The following MIER3 variants were observed in gnomAD, a reference collection of about 807,000 sequenced individuals.
MIER3 encodes mesoderm induction early response protein 3.
MIER3 carries 9 observed loss-of-function variants against 63.2 expected under a neutral mutation model. The observed-to-expected ratio is 0.14, with a 90% confidence interval of 0.09 to 0.25. The LOEUF (loss-of-function observed/expected upper bound fraction) is 0.25. Among genes scored for constraint, MIER3 ranks in the 10% least tolerant of loss-of-function variants. The probability of loss-of-function intolerance (pLI) is 1.00; values close to 1 mark genes in which losing one functional copy is unlikely to be tolerated. For synonymous variants in MIER3, 205 were observed against 224.9 expected, an observed-to-expected ratio of 0.91 and a Z score of 0.79; for missense variants, 512 against 666.2, an observed-to-expected ratio of 0.77 and a Z score of 2.55.
intron 2 of MIER3, among the ~76,000 whole-genome samples, chr5:56,950,089 C>A (rs1750966261): frequency 6.6e-6 from 1 of 152,156 alleles, no homozygotes; most frequent in Non-Finnish European, 1.5e-5. Context: ...GCTCAGAAGT[C>A]AAAATCACCC....
chr5:56,949,575 T>C (rs1750946566), intron 2 of MIER3, among the ~76,000 whole-genome samples: 1 of 152,218 alleles, frequency 6.6e-6, no homozygotes, highest in Non-Finnish European at 1.5e-5. Flanking sequence ...CAGCTATTTT[T>C]AAAATAGCTG....
At chr5:56,929,984 A>G (rs1474880598) in intron 9 of MIER3, among the ~76,000 whole-genome samples, 3 of 152,174 alleles carry the variant, frequency 2.0e-5, no homozygotes, top group African/African-American at 7.2e-5. Flanking sequence ...TTTTCAAAGA[A>G]GCAGCTTTTC....
In MIER3 at chr5:56,946,990, A is replaced by G; in HGVS notation, c.116T>C (p.Leu39Pro). 6.2e-7 allele frequency: 1 copy of G among 1,609,602 alleles called. No individual in the cohort carries two copies. Among genetic ancestry groups the G allele is most frequent in the Non-Finnish European group, 8.5e-7 (1 of 1,178,558 alleles). The change falls in exon 3 of 13, where the codon CTT (leucine) becomes CCT (proline). Residue 39 changes from leucine to proline, a missense_variant. Transcript: ENST00000381199. ...LVHDYDDERT[L>P]EEEEMMDEGK... is the part of the protein sequence containing the mutation. ...CTCATCCATCATTTCCTCTTCTTCA[A>G]GAGTTCTTTCATCATCATAGTCATG...
intron 2 of MIER3, 107 bp from the exon 3 acceptor site, chr5:56,947,178 T>C: frequency 9.5e-7 from 1 of 1,052,066 alleles, no homozygotes; most frequent in Non-Finnish European, 1.3e-6. Context: ...TATATGAGGG[T>C]TTTACTAAAT....
rs1441829081 is a variant in MIER3, at chr5:56,919,864, T to C, written c.*3264A>G. On this transcript the variant is annotated 3_prime_UTR_variant, in exon 13 of 13. Transcript: ENST00000381199. The stretch of plus-strand genomic sequence containing the variant: ...TATTAATATCTACCATATTTAACAA[T>C]AAAACTAATAGTTTCCTCCATTTAG... 1 of 152,630 alleles carries C rather than the reference T, an allele frequency of 6.6e-6. No individual in the cohort carries two copies. The highest frequency in any genetic ancestry group is 1.5e-5 in the Non-Finnish European group (1 of 68,006). 9.5% of individuals were successfully genotyped at this position (152,630 alleles called of 1,614,324 possible).
chr5:56,939,009 G>A lies in MIER3; in HGVS notation c.189C>T (p.Thr63=). The A allele has an allele frequency of 6.2e-7, 1 of 1,614,040 alleles. No individual in the cohort carries two copies. The highest frequency in any genetic ancestry group is 8.5e-7 in the Non-Finnish European group (1 of 1,179,962). The change falls in exon 4 of 13, where the codon ACC becomes ACT. Residue 63 remains threonine (T), a synonymous_variant. Transcript: ENST00000381199. ...ATGCCAGTAAATCTTCTAGAGGCATGGTTCCTTCCTGTTCAAGCCAGGGCA... is the reference window on the plus strand; with the variant it reads ...ATGCCAGTAAATCTTCTAGAGGCATAGTTCCTTCCTGTTCAAGCCAGGGCA... The part of the protein sequence containing the change: ...SEIEDLEKEG[T]MPLEDLLAFY...
rs1749726360 is a variant in MIER3 at position 56,922,651 on chromosome 5, G to A, written c.*477C>T. The A allele has an allele frequency of 1.9e-5, 3 of 156,774 alleles. No homozygotes were observed. Among genetic ancestry groups the A allele is most frequent in the Admixed American group, 6.2e-5 (1 of 16,246 alleles). The allele number at this position is 156,774 out of a possible 1,614,324, so 9.7% of individuals were successfully genotyped here. Reference sequence around the variant, plus strand: ...AACCAAAAAAATGCTACATTGAGCAGGGATCGGGATCGGTACCTGTAAACA... The same window carrying A: ...AACCAAAAAAATGCTACATTGAGCAAGGATCGGGATCGGTACCTGTAAACA... On this transcript the variant is annotated 3_prime_UTR_variant, in exon 13 of 13. Coordinates refer to ENST00000381199, the MANE Select transcript of MIER3 (RefSeq NM_001297599.2).
Position 56,923,717 on chromosome 5 carries a change from T to C in MIER3, c.1169A>G (p.Asn390Ser), listed in dbSNP as rs1749805076. Reference protein sequence around the residue: ...PIPDQQLNILNSFTASDLTAL... With the variant: ...PIPDQQLNILSSFTASDLTAL... ...TGTCAAGTCACTGGCAGTGAAGGAG[T>C]TGAGAATGTTTAGCTGTTGATCAGG... Residue 390 changes from asparagine to serine, a missense_variant, in exon 12 of 13, where the codon AAC becomes AGC. By Grantham distance (46) the Asn-to-Ser change is conservative. Coordinates refer to ENST00000381199, the MANE Select transcript of MIER3 (RefSeq NM_001297599.2). 1.2e-6 allele frequency: 2 copies of C among 1,614,140 alleles called. No homozygotes were observed. The highest frequency in any genetic ancestry group is 1.7e-6 in the Non-Finnish European group (2 of 1,180,016).
intron 10 of MIER3, among the ~76,000 whole-genome samples, chr5:56,926,191 G>T (rs961304203): frequency 1.3e-5 from 2 of 152,004 alleles, no homozygotes; most frequent in Non-Finnish European, 2.9e-5. Context: ...GTTTGGCAAT[G>T]ATTTTTTTAA....
chr5:56,932,389 T>C (rs1750299745), intron 8 of MIER3, among the ~76,000 whole-genome samples: 1 of 152,014 alleles, frequency 6.6e-6, no homozygotes, highest in Non-Finnish European at 1.5e-5. Flanking sequence ...AACATTTGAG[T>C]TTCTAATGTT....
intron 8 of MIER3, among the ~76,000 whole-genome samples, chr5:56,931,142 T>G (rs1750252414): frequency 6.6e-6 from 1 of 152,224 alleles, no homozygotes; most frequent in Admixed American, 6.5e-5. Context: ...AGTTTTAATA[T>G]AAGGGAACAG....
chr5:56,929,549 A>C (rs766581952), intron 9 of MIER3: 3 of 152,210 alleles, frequency 2.0e-5, no homozygotes, highest in Non-Finnish European at 2.9e-5. Flanking sequence ...TGGGAGACAG[A>C]GTGAGACCCT....
intron 1 of MIER3, 55 bp from the exon 2 acceptor site, chr5:56,950,707 A>T: frequency 6.2e-7 from 1 of 1,603,050 alleles, no homozygotes; most frequent in Non-Finnish European, 8.5e-7. Context: ...GGAAAGAGGC[A>T]GCGCCGGCAA....
intron 3 of MIER3, among the ~76,000 whole-genome samples, chr5:56,943,465 G>A (rs1190001582): frequency 6.6e-6 from 1 of 152,016 alleles, no homozygotes; most frequent in Non-Finnish European, 1.5e-5. Context: ...ATGTGAGGGA[G>A]ACAGGAGGTT....
chr5:56,944,370 A>G (rs1369328118), intron 3 of MIER3, among the ~76,000 whole-genome samples: 1 of 152,032 alleles, frequency 6.6e-6, no homozygotes, highest in Non-Finnish European at 1.5e-5. Flanking sequence ...AGTCCCAGCT[A>G]TTCAGGAAGC....
chr5:56,947,254 A>G, intron 2 of MIER3, 183 bp from the exon 3 acceptor site: 1 of 560,702 alleles, frequency 1.8e-6, no homozygotes. Flanking sequence ...TGTCTAAATC[A>G]GCAAAATAAC....
In MIER3 at chr5:56,925,579, T is replaced by C. The variant is rs547824568; in HGVS notation, c.925-1537A>G. On this transcript the variant is annotated intron_variant, in intron 10 of 12. Coordinates refer to ENST00000381199, the MANE Select transcript of MIER3 (RefSeq NM_001297599.2). ...TATGCAAAATCTGTATGAGAAAAAC[T>C]ACCAAACTCTGATTAAAGAAATCAA... 7 of 204,278 alleles carry C rather than the reference T, an allele frequency of 3.4e-5. No homozygotes were observed. In the East Asian group the frequency reaches 4.4e-4, roughly 13 times the overall value. 12.7% of individuals were successfully genotyped at this position (204,278 alleles called of 1,614,324 possible). A position where few individuals can be genotyped will look rare whatever the true frequency, so the allele number is the denominator to read the frequency against.
Position 56,919,980 on chromosome 5 carries a change from C to T in MIER3, c.*3148G>A, listed in dbSNP as rs1214444999. The T allele has an allele frequency of 6.6e-6, 1 of 152,498 alleles. No individual in the cohort carries two copies. 9.4% of individuals were successfully genotyped at this position (152,498 alleles called of 1,614,324 possible). A position where few individuals can be genotyped will look rare whatever the true frequency, so the allele number is the denominator to read the frequency against. On this transcript the variant is annotated 3_prime_UTR_variant, in exon 13 of 13. Coordinates refer to ENST00000381199, the MANE Select transcript of MIER3 (RefSeq NM_001297599.2). ...CATTTGTAGACAATGTGCTTTGAAACTCTGGGCAAACAATCTCCTTGGTGG... is the reference window on the plus strand; with the variant it reads ...CATTTGTAGACAATGTGCTTTGAAATTCTGGGCAAACAATCTCCTTGGTGG...
At chr5:56,939,402 C>T (rs1369585961) in intron 3 of MIER3, among the ~76,000 whole-genome samples, 2 of 152,218 alleles carry the variant, frequency 1.3e-5, no homozygotes, top group East Asian at 3.8e-4. Context: ...CATTTAACAG[C>T]TGACCACTTG....
Sources: gnomAD v4.1 joint callset for allele counts (sites outside exome capture counted in the v4.1 genomes callset) on GRCh38, gnomAD v4.1.1 for gene constraint, MANE v1.5 for transcripts, NCBI Gene and HGNC (gene_info 2026-07-23, HGNC 2026-07-21) for gene names.